PCSK2: variants seen among roughly 807,000 people sequenced by gnomAD.
The protein encoded by PCSK2 is neuroendocrine convertase 2.
Under a neutral mutation model 69.7 loss-of-function variants are expected in PCSK2, and 14 were observed. The observed-to-expected ratio is 0.20, with a 90% CI of 0.13 to 0.31. The LOEUF (loss-of-function observed/expected upper bound fraction) is 0.31, where lower values mean the gene tolerates loss of function less well. Ranked by LOEUF, PCSK2 falls within the 10% of genes least tolerant of loss-of-function variation. The pLI, the probability that PCSK2 is intolerant of heterozygous loss-of-function variation, is 1.00. For missense variants in PCSK2, 544 were observed against 842.5 expected (o/e 0.65, Z 4.39); for synonymous variants, 307 against 320.7 (o/e 0.96, Z 0.46).
intron 2 of PCSK2, among the ~76,000 whole-genome samples, chr20:17,311,001 C>CAAAA (rs113825389): frequency 0.02 from 2,260 of 112,390 alleles, 87 homozygotes; most frequent in East Asian, 0.083. Flanking sequence ...GACTCCGTCT[C>CAAAA]AAAAAAAAAA....
chr20:17,327,210 C>G (rs1469666843), intron 2 of PCSK2, among the ~76,000 whole-genome samples: 1 of 152,198 alleles, frequency 6.6e-6, no homozygotes, highest in Admixed American at 6.5e-5. Context: ...AGAAGGTATC[C>G]TGAGACCACG....
At chr20:17,384,137 A>G (rs1314711906) in intron 5 of PCSK2, among the ~76,000 whole-genome samples, 1 of 152,202 alleles carries the variant, frequency 6.6e-6, no homozygotes, top group Admixed American at 6.5e-5. Flanking sequence ...CTAGAACACA[A>G]TACCCTCAGT....
chr20:17,381,434 C>T (rs774922949), intron 5 of PCSK2, among the ~76,000 whole-genome samples: 49 of 152,130 alleles, frequency 3.2e-4, no homozygotes, highest in Non-Finnish European at 2.5e-4. Context: ...TGTTTTATAA[C>T]TCAAGCATTG....
At chr20:17,378,103 T>G (rs1021420706) in intron 5 of PCSK2, among the ~76,000 whole-genome samples, 4 of 152,216 alleles carry the variant, frequency 2.6e-5, no homozygotes, top group Non-Finnish European at 5.9e-5. Context: ...CATGTAAGTA[T>G]ATAATTACAT....
chr20:17,313,126 T>C (rs1449543690), intron 2 of PCSK2, among the ~76,000 whole-genome samples: 1 of 152,190 alleles, frequency 6.6e-6, no homozygotes, highest in Non-Finnish European at 1.5e-5. Context: ...TAACCCAACA[T>C]ATCCAAAATA....
intron 10 of PCSK2, chr20:17,464,145 T>C (rs1035780725): frequency 3.3e-5 from 5 of 152,172 alleles, no homozygotes; most frequent in Non-Finnish European, 5.9e-5. Flanking sequence ...GTTTTAACAG[T>C]TTCCAATGCC....
chr20:17,231,100 A>T (rs969654864), intron 1 of PCSK2, among the ~76,000 whole-genome samples: 1 of 152,360 alleles, frequency 6.6e-6, no homozygotes, highest in South Asian at 2.1e-4. Flanking sequence ...TTAACCAAAA[A>T]TCAAGTGAGA....
intron 2 of PCSK2, among the ~76,000 whole-genome samples, chr20:17,261,722 T>C: frequency 6.6e-6 from 1 of 152,234 alleles, no homozygotes; most frequent in Non-Finnish European, 1.5e-5. Context: ...ACAGGGATCT[T>C]GCCCTGAACC....
At chr20:17,463,004 C>T (rs536119947) in intron 10 of PCSK2, among the ~76,000 whole-genome samples, 49 of 152,338 alleles carry the variant, frequency 3.2e-4, no homozygotes, top group African/African-American at 1.0e-3. Context: ...CCTGGTTTTA[C>T]TCTTCAGACA....
chr20:17,254,026 T>A (rs1243323948), intron 1 of PCSK2, among the ~76,000 whole-genome samples: 1 of 152,262 alleles, frequency 6.6e-6, no homozygotes, highest in African/African-American at 2.4e-5. Context: ...TTTGAAGAAA[T>A]GATTCCTCTA....
intron 5 of PCSK2, among the ~76,000 whole-genome samples, chr20:17,372,048 A>G (rs528489212): frequency 6.6e-6 from 1 of 152,358 alleles, no homozygotes; most frequent in South Asian, 2.1e-4. Context: ...TTCTCCCAAG[A>G]AAATTCTCAC....
chr20:17,464,689 C>G (rs2033069515), intron 10 of PCSK2: 1 of 152,482 alleles, frequency 6.6e-6, no homozygotes, highest in African/African-American at 2.4e-5. Context: ...TTTAGGCCAA[C>G]ATGGTATTTG....
chr20:17,336,564 C>T (rs1990357746), intron 2 of PCSK2, among the ~76,000 whole-genome samples: 1 of 152,192 alleles, frequency 6.6e-6, no homozygotes, highest in Non-Finnish European at 1.5e-5. Context: ...CGGCAGTCCA[C>T]ATAGAAATAG....
rs77815812 is a variant in PCSK2, at chr20:17,375,332, G to A, written c.543+6055G>A. ...AGTATAAGATTGTGAGGGTTGCAAAGTTAAGGGCAAAAATCAGAGGATACC... is the reference window on the plus strand; with the variant it reads ...AGTATAAGATTGTGAGGGTTGCAAAATTAAGGGCAAAAATCAGAGGATACC... On this transcript the variant is annotated intron_variant, in intron 5 of 11. Transcript: ENST00000262545. Among the ~76,000 whole-genome samples, 27 of 152,218 alleles carry A rather than the reference G, an allele frequency of 1.8e-4. No individual in the cohort carries two copies. In the East Asian group the frequency reaches 5.2e-3, roughly 29 times the overall value.
chr20:17,324,346 C>T (rs1046258406), intron 2 of PCSK2, among the ~76,000 whole-genome samples: 1 of 152,220 alleles, frequency 6.6e-6, no homozygotes, highest in African/African-American at 2.4e-5. Flanking sequence ...AGGCCACTTT[C>T]TTTAACATGA....
At chr20:17,258,413 T>A (rs974663626) in intron 1 of PCSK2, among the ~76,000 whole-genome samples, 1 of 152,230 alleles carries the variant, frequency 6.6e-6, no homozygotes, top group African/African-American at 2.4e-5. Flanking sequence ...CAGTAGATTT[T>A]TGAAGGTTCT....
At chr20:17,279,903 C>T (rs1663477503) in intron 2 of PCSK2, among the ~76,000 whole-genome samples, 2 of 150,286 alleles carry the variant, frequency 1.3e-5, no homozygotes, top group African/African-American at 4.9e-5. Flanking sequence ...TTCAAAACAA[C>T]ACTTTTTTAT....
intron 2 of PCSK2, among the ~76,000 whole-genome samples, chr20:17,327,247 TGC>T (rs1227289375): frequency 6.6e-6 from 1 of 152,188 alleles, no homozygotes; most frequent in African/African-American, 2.4e-5. Context: ...GACAAATGCA[TGC>T]ACAACAGCTT....
At chr20:17,290,769 G>T (rs765459877) in intron 2 of PCSK2, among the ~76,000 whole-genome samples, 9 of 152,172 alleles carry the variant, frequency 5.9e-5, no homozygotes, top group Admixed American at 5.2e-4. Context: ...ACAAAGAAAA[G>T]AAGTTTATTT....
Sources: gnomAD v4.1 joint callset for allele counts (sites outside exome capture counted in the v4.1 genomes callset) on GRCh38, gnomAD v4.1.1 for gene constraint, MANE v1.5 for transcripts, NCBI Gene and HGNC (gene_info 2026-07-23, HGNC 2026-07-21) for gene names.